Variants in TRPM3 observed in about 807,000 individuals in gnomAD.
The protein encoded by TRPM3 is transient receptor potential cation channel subfamily M member 3.
Under a neutral mutation model 181.2 loss-of-function variants are expected in TRPM3, and 77 were observed. That is an observed-to-expected ratio of 0.42 (90% CI 0.35 to 0.51). TRPM3 has a LOEUF of 0.51. Ranked by LOEUF, TRPM3 falls within the 20% of genes least tolerant of loss-of-function variation. The pLI, the probability that TRPM3 is intolerant of heterozygous loss-of-function variation, is 0.01. For missense variants in TRPM3, 1,759 were observed against 2,196.7 expected, an observed-to-expected ratio of 0.80 and a Z score of 3.98; for synonymous variants, 745 against 796.4, an observed-to-expected ratio of 0.94 and a Z score of 1.09.
In TRPM3 at chr9:71,200,787, A is replaced by T. The variant is rs988722835; in HGVS notation, c.183+245866T>A. 1.3e-4 allele frequency among the ~76,000 whole-genome samples: 19 copies of T among 151,850 alleles called. No homozygotes were observed. The South Asian group carries it at 2.9e-3, about 23-fold the overall frequency. ...TGTGTCTCTGCACGTGAGATGGGTT[A>T]CCTGAATACAGCACACTGATGGGTC... is the stretch of plus-strand genomic sequence containing the variant. On this transcript the variant is annotated intron_variant, in intron 1 of 24. Transcript: ENST00000357533.
At chr9:70,677,986 C>T (rs569789377) in intron 9 of TRPM3, among the ~76,000 whole-genome samples, 17 of 150,764 alleles carry the variant, frequency 1.1e-4, no homozygotes, top group South Asian at 6.3e-4. Context: ...TATGATAAGT[C>T]CCCACTTGGG....
chr9:70,581,486 G>A (rs1226753335), intron 22 of TRPM3, among the ~76,000 whole-genome samples: 1 of 152,236 alleles, frequency 6.6e-6, no homozygotes, highest in Non-Finnish European at 1.5e-5. Context: ...GAGGTTGCAG[G>A]CTTATTTGGA....
At chr9:70,642,070 T>C (rs1338494671) in intron 9 of TRPM3, among the ~76,000 whole-genome samples, 1 of 152,214 alleles carries the variant, frequency 6.6e-6, no homozygotes. Context: ...CCAAGCTTCA[T>C]GCTGCTGGAT....
intron 1 of TRPM3, among the ~76,000 whole-genome samples, chr9:71,273,751 A>G (rs542216508): frequency 6.6e-6 from 1 of 152,278 alleles, no homozygotes; most frequent in African/African-American, 2.4e-5. Context: ...CAACTTTTTA[A>G]TGTTTGCTCC....
chr9:70,604,696 T>G (rs2060683677), intron 19 of TRPM3, among the ~76,000 whole-genome samples: 1 of 152,168 alleles, frequency 6.6e-6, no homozygotes, highest in South Asian at 2.1e-4. Context: ...CAGGCTGGAG[T>G]GCAGTGGCAT....
intron 1 of TRPM3, among the ~76,000 whole-genome samples, chr9:71,393,710 C>T (rs921939048): frequency 1.3e-5 from 2 of 152,098 alleles, no homozygotes; most frequent in African/African-American, 2.4e-5. Context: ...TCAATAAAGA[C>T]GTTCTGGTAC....
At chr9:70,659,072 T>C (rs1200444872) in intron 9 of TRPM3, among the ~76,000 whole-genome samples, 3 of 152,164 alleles carry the variant, frequency 2.0e-5, no homozygotes, top group Non-Finnish European at 2.9e-5. Flanking sequence ...TGGAAACTAT[T>C]TGTGAGTAGT....
chr9:71,032,008 AT>A (rs1249304233), intron 1 of TRPM3, among the ~76,000 whole-genome samples: 8 of 1,572 alleles, frequency 5.1e-3, no homozygotes, highest in African/African-American at 0.043. Context: ...TAATTATATA[AT>A]ATATAATATA....
At chr9:70,916,960 C>A in intron 1 of TRPM3, 1 of 1,430,724 alleles carries the variant, frequency 7.0e-7, no homozygotes, top group Non-Finnish European at 9.6e-7. Context: ...CTTAGGCTTT[C>A]TAGTGAACAA....
intron 5 of TRPM3, among the ~76,000 whole-genome samples, chr9:70,831,672 C>T (rs2093905924): frequency 1.3e-5 from 2 of 151,208 alleles, no homozygotes; most frequent in South Asian, 2.1e-4. Flanking sequence ...TTGAGAAAGG[C>T]TGAATGGTGT....
rs1281479758 is a variant in TRPM3, at chr9:70,827,888, C to T, written c.932G>A (p.Arg311Lys). ...GAGTGAAATATGCTTTTCCAGTTGT[C>T]TTCGAAGTTTCACCTCTGCTCCATA... ...GKYGAEVKLR[R>K]QLEKHISLQK... The change falls in exon 6 of 26, where the codon AGA (arginine) becomes AAA (lysine). Residue 311 changes from arginine (R) to lysine (K), a missense_variant. Around this residue, in one of 8 missense-constraint regions of TRPM3, gnomAD observed 737 missense variants for 957.4 expected, o/e 0.77. Transcript: ENST00000677713. 6.2e-7 allele frequency: 1 copy of T among 1,614,096 alleles called. No individual in the cohort carries two copies. The highest frequency in any genetic ancestry group is 8.5e-7 in the Non-Finnish European group (1 of 1,179,976).
chr9:70,906,497 A>G (rs2096466167), intron 1 of TRPM3, among the ~76,000 whole-genome samples: 1 of 151,962 alleles, frequency 6.6e-6, no homozygotes, highest in Middle Eastern at 3.4e-3. Context: ...GTAAATGCCA[A>G]GAGTGTTTTG....
chr9:71,258,311 G>C (rs1156564745), intron 1 of TRPM3, among the ~76,000 whole-genome samples: 50 of 152,174 alleles, frequency 3.3e-4, no homozygotes. Flanking sequence ...CTTGAACCCA[G>C]GTAGCCTGGC....
intron 1 of TRPM3, among the ~76,000 whole-genome samples, chr9:71,443,361 A>G (rs1204690764): frequency 2.6e-5 from 4 of 152,218 alleles, no homozygotes; most frequent in Non-Finnish European, 4.4e-5. Context: ...TTTCAAATCA[A>G]CAAGGATTGA....
At chr9:71,015,442 A>G (rs2134424391) in intron 1 of TRPM3, among the ~76,000 whole-genome samples, 1 of 152,362 alleles carries the variant, frequency 6.6e-6, no homozygotes, top group South Asian at 2.1e-4. Flanking sequence ...CCCATGTTCC[A>G]GATAACCAGA....
At chr9:70,689,083 T>C (rs1192045541) in intron 8 of TRPM3, among the ~76,000 whole-genome samples, 1 of 152,164 alleles carries the variant, frequency 6.6e-6, no homozygotes, top group Non-Finnish European at 1.5e-5. Flanking sequence ...ATGTGGTGTA[T>C]TAAGCCACAG....
At position 71,032,031 on chromosome 9, in the gene TRPM3, TAA is replaced by T. The variant is rs1491136788; in HGVS notation, c.177+89145_177+89146del. On this transcript the variant is annotated intron_variant, in intron 1 of 25. Transcript: ENST00000677713. ...TAATATATAATATATATATATAATA[TAA>T]ATATATATATATATATTATATATAT... Among the ~76,000 whole-genome samples the T allele has an allele frequency of 3.2e-4, 17 of 52,814 alleles. 2 individuals carry two copies. Among genetic ancestry groups the T allele is most frequent in the Admixed American group, 1.0e-3 (3 of 2,964 alleles). The allele number at this position is 52,814 out of a possible 152,430, so 34.6% of individuals were successfully genotyped here.
chr9:71,411,673 C>G (rs1019833554), intron 1 of TRPM3, among the ~76,000 whole-genome samples: 5 of 152,150 alleles, frequency 3.3e-5, no homozygotes, highest in African/African-American at 1.2e-4. Context: ...CCATACTGCC[C>G]AAGGTAATTT....
At chr9:71,287,825 G>A (rs775649389) in intron 1 of TRPM3, among the ~76,000 whole-genome samples, 11 of 152,090 alleles carry the variant, frequency 7.2e-5, no homozygotes, top group East Asian at 1.9e-4. Flanking sequence ...CAATGCGCCC[G>A]ATGTCACATA....
Sources: allele counts gnomAD v4.1 joint callset (sites outside exome capture counted in the v4.1 genomes callset), GRCh38; gene constraint gnomAD v4.1.1; regional missense constraint gnomAD v4.1.1; transcripts MANE v1.5; gene names NCBI Gene and HGNC (gene_info 2026-07-23, HGNC 2026-07-21).